Variants in IGSF3 observed in about 807,000 individuals in gnomAD.
The protein encoded by IGSF3 is glu-Trp-Ile EWI motif-containing protein 3.
IGSF3 carries 23 observed loss-of-function variants against 114.4 expected under a neutral mutation model. The ratio of observed to expected loss-of-function variants is 0.20; its 90% CI spans 0.14 to 0.28. The LOEUF (loss-of-function observed/expected upper bound fraction) is 0.28, where lower values mean the gene tolerates loss of function less well. IGSF3 is among the 10% of genes least tolerant of loss of function. The pLI, the probability that IGSF3 is intolerant of heterozygous loss-of-function variation, is 1.00. For synonymous variants in IGSF3, 571 were observed against 645.2 expected (o/e 0.88, Z 1.74); for missense variants, 1,172 against 1,591.5 (o/e 0.74, Z 4.48).
In IGSF3 at chr1:116,627,411, TCCCTCTACTGGCCG is replaced by T. The variant is rs1571171470; in HGVS notation, c.44-10968_44-10955del. ...AAGGTGTCTGCTGGATTTCAAACAG[TCCCTCTACTGGCCG>T]CCACCACCACCCTCTCCTAAAGAGG... On this transcript the variant is annotated intron_variant, in intron 2 of 10. Coordinates refer to ENST00000369486, the MANE Select transcript of IGSF3 (RefSeq NM_001007237.3). This position sits in a 1 kb window ranked among gnomAD's most constrained non-coding sequence, Gnocchi z 4.7. 6.6e-6 allele frequency among the ~76,000 whole-genome samples: 1 copy of T among 152,064 alleles called. No individual in the cohort carries two copies. The highest frequency in any genetic ancestry group is 1.9e-4 in the East Asian group (1 of 5,184).
intron 2 of IGSF3, among the ~76,000 whole-genome samples, chr1:116,640,109 A>C (rs1375183833): frequency 6.6e-6 from 1 of 152,072 alleles, no homozygotes; most frequent in Admixed American, 6.5e-5. Context: ...TCTCAGGATT[A>C]AATAACAAAA....
In IGSF3 at chr1:116,598,676, G is replaced by A. The variant is rs1660442441; in HGVS notation, c.2029+1265C>T. On this transcript the variant is annotated intron_variant, in intron 7 of 10. Transcript: ENST00000369486. This position sits in a 1 kb window ranked among gnomAD's most constrained non-coding sequence, Gnocchi z 4.3. ...TGGGCAGAAAAATCCCTTTGGCAAG[G>A]CGTTCCAGCCATCTTTGCAAAGTCA... Among the ~76,000 whole-genome samples the A allele has an allele frequency of 6.6e-6, 1 of 152,168 alleles. No homozygotes were observed. Among genetic ancestry groups the A allele is most frequent in the Admixed American group, 6.5e-5 (1 of 15,282 alleles).
rs1383688793 is a variant in IGSF3 at position 116,624,887 on chromosome 1, T to A, written c.44-8430A>T. 6.6e-6 allele frequency among the ~76,000 whole-genome samples: 1 copy of A among 152,080 alleles called. No homozygotes were observed. The highest frequency in any genetic ancestry group is 2.4e-5 in the African/African-American group (1 of 41,392). On this transcript the variant is annotated intron_variant, in intron 2 of 10. Transcript: ENST00000369486. The surrounding 1 kb of genome is among the most constrained non-coding windows in gnomAD (Gnocchi z 4.9). ...CAGTCCAGAGCTGGCTCCAGCCAGG[T>A]CCACCTGCCACAATGTGAGTGAATG...
At chr1:116,613,637 C>T in intron 4 of IGSF3, 128 bp downstream of exon 4, 4 of 873,376 alleles carry the variant, frequency 4.6e-6, no homozygotes, top group Non-Finnish European at 7.1e-6. Context: ...ACAAGACCGG[C>T]TTTAACTTCA....
chr1:116,584,945 G>T lies in IGSF3; in HGVS notation c.2548C>A (p.Leu850Ile). The change falls in exon 9 of 11, where the codon CTC becomes ATC. Residue 850 changes from leucine to isoleucine, a missense_variant. By Grantham distance (5) the Leu-to-Ile change is conservative (BLOSUM62 2). This residue lies in a region of IGSF3 where 423 missense variants were observed against 509.8 expected (regional missense o/e 0.83). Coordinates refer to ENST00000369486, the MANE Select transcript of IGSF3 (RefSeq NM_001007237.3). The surrounding 1 kb of genome is among the most constrained non-coding windows in gnomAD (Gnocchi z 5.8). ...TTCCATACAAACCATTCCACCATGA[G>T]CTGGGAGGTTATGCTGGTGCGGTTG... ...VLNRTSITSQLMVEWFVWKPN... is the reference protein window; with the variant it reads ...VLNRTSITSQIMVEWFVWKPN... The T allele has an allele frequency of 1.2e-6, 2 of 1,612,512 alleles. No individual in the cohort carries two copies. The highest frequency in any genetic ancestry group is 2.2e-5 in the South Asian group (2 of 91,028).
chr1:116,667,091 C>A, intron 1 of IGSF3, 135 bp from the exon 2 acceptor site: 1 of 370,916 alleles, frequency 2.7e-6, no homozygotes, highest in Non-Finnish European at 4.8e-6. Flanking sequence ...TGACCTTGGG[C>A]AAGTCTCTGT....
chr1:116,654,766 C>A lies in IGSF3; in HGVS notation c.43+11518G>T, dbSNP rs3879768. Among the ~76,000 whole-genome samples the A allele has an allele frequency of 3.7e-4, 57 of 152,280 alleles. 1 individual carries two copies. The highest frequency in any genetic ancestry group is 1.3e-3 in the African/African-American group (53 of 41,548). ...AGGTGTGAAATTCCCAATTCCCACACACAAGCAACATCCCCAGCAGTAATA... is the reference window on the plus strand; with the variant it reads ...AGGTGTGAAATTCCCAATTCCCACAAACAAGCAACATCCCCAGCAGTAATA... On this transcript the variant is annotated intron_variant, in intron 2 of 10. Coordinates refer to ENST00000369486, the MANE Select transcript of IGSF3 (RefSeq NM_001007237.3). The surrounding 1 kb of genome is among the most constrained non-coding windows in gnomAD (Gnocchi z 4.4).
intron 2 of IGSF3, among the ~76,000 whole-genome samples, chr1:116,630,302 T>C (rs1382341269): frequency 6.6e-6 from 1 of 152,216 alleles, no homozygotes; most frequent in Non-Finnish European, 1.5e-5. Flanking sequence ...AAAGGCACAA[T>C]GAGATGTAGT....
chr1:116,587,416 A>T (rs1196891983), intron 8 of IGSF3, among the ~76,000 whole-genome samples: 1 of 152,194 alleles, frequency 6.6e-6, no homozygotes, highest in Non-Finnish European at 1.5e-5. Context: ...ATGAGCTAGG[A>T]ATCCCCCTTC....
At chr1:116,653,299 G>A (rs1392260525) in intron 2 of IGSF3, among the ~76,000 whole-genome samples, 3 of 152,218 alleles carry the variant, frequency 2.0e-5, no homozygotes, top group Non-Finnish European at 2.9e-5. Context: ...TCAGATTACT[G>A]ATGGGCATAG....
intron 7 of IGSF3, among the ~76,000 whole-genome samples, chr1:116,599,474 A>C (rs1232752354): frequency 6.6e-6 from 1 of 152,150 alleles, no homozygotes; most frequent in African/African-American, 2.4e-5. Context: ...GAGACAGGAT[A>C]ACAAATGTGA....
At chr1:116,578,519 A>G (rs2101284436) in intron 10 of IGSF3, among the ~76,000 whole-genome samples, 1 of 152,318 alleles carries the variant, frequency 6.6e-6, no homozygotes, top group Admixed American at 6.5e-5. Context: ...CAAAACTCCA[A>G]TTTCATATGG....
At position 116,624,863 on chromosome 1, in the gene IGSF3, A is replaced by G. The variant is rs1320651180; in HGVS notation, c.44-8406T>C. Among the ~76,000 whole-genome samples, 1 of 152,212 alleles carries G rather than the reference A, an allele frequency of 6.6e-6. No individual in the cohort carries two copies. The highest frequency in any genetic ancestry group is 2.4e-5 in the African/African-American group (1 of 41,450). On this transcript the variant is annotated intron_variant, in intron 2 of 10. Transcript: ENST00000369486. This position sits in a 1 kb window ranked among gnomAD's most constrained non-coding sequence, Gnocchi z 4.9. ...TGGAGAGGCCCTGGGCAGGTGCTCC[A>G]GTCCAGAGCTGGCTCCAGCCAGGTC...
At chr1:116,621,012 G>A (rs543487966) in intron 2 of IGSF3, among the ~76,000 whole-genome samples, 147 of 152,252 alleles carry the variant, frequency 9.7e-4, no homozygotes, top group Non-Finnish European at 1.4e-3. Context: ...GGGCCTGGTG[G>A]GAGGTGACCG....
At chr1:116,586,445 A>G (rs553329188) in intron 8 of IGSF3, among the ~76,000 whole-genome samples, 1 of 152,188 alleles carries the variant, frequency 6.6e-6, no homozygotes, top group African/African-American at 2.4e-5. Flanking sequence ...AGGCTTTCTC[A>G]GCAGGGAAAA....
intron 2 of IGSF3, among the ~76,000 whole-genome samples, chr1:116,643,319 A>G (rs1156481925): frequency 1.3e-5 from 2 of 152,138 alleles, no homozygotes; most frequent in Non-Finnish European, 2.9e-5. Context: ...AGATCCACCC[A>G]ACGGAACTGC....
chr1:116,611,584 A>G (rs1051562909), intron 4 of IGSF3, among the ~76,000 whole-genome samples: 2 of 151,940 alleles, frequency 1.3e-5, no homozygotes, highest in Non-Finnish European at 2.9e-5. Context: ...ATCCGGAACT[A>G]GTCATACTTG....
At chr1:116,626,724 C>T (rs1022588296) in intron 2 of IGSF3, among the ~76,000 whole-genome samples, 4 of 152,134 alleles carry the variant, frequency 2.6e-5, no homozygotes, top group African/African-American at 4.8e-5. Context: ...CCTCTCCTAT[C>T]GCTCATTTCT....
chr1:116,631,843 G>A (rs1647605527), intron 2 of IGSF3, among the ~76,000 whole-genome samples: 1 of 152,180 alleles, frequency 6.6e-6, no homozygotes, highest in Non-Finnish European at 1.5e-5. Flanking sequence ...CAGATGGGAG[G>A]TGCCTCCAAA....
Sources: gnomAD v4.1 joint callset for allele counts (sites outside exome capture counted in the v4.1 genomes callset) on GRCh38, gnomAD v4.1.1 for gene constraint, gnomAD v4.1.1 regional missense constraint, Gnocchi (gnomAD v3.1) non-coding constraint, MANE v1.5 for transcripts, NCBI Gene and HGNC (gene_info 2026-07-23, HGNC 2026-07-21) for gene names.